The following DPP6 variants were observed in gnomAD, a reference collection of about 807,000 sequenced individuals.
The protein encoded by DPP6 is A-type potassium channel modulatory protein DPP6.
In DPP6, 69 loss-of-function variants were observed where a neutral mutation model predicts 122.6. The observed-to-expected ratio is 0.56, with a 90% CI of 0.46 to 0.69. DPP6 has a LOEUF of 0.69. Ranked by LOEUF, DPP6 falls within the 30% of genes least tolerant of loss-of-function variation. The pLI is 0.00. For missense variants in DPP6, 928 were observed against 1,116.9 expected (o/e 0.83, Z 2.41); for synonymous variants, 418 against 433.1 (o/e 0.97, Z 0.43).
intron 1 of DPP6, among the ~76,000 whole-genome samples, chr7:154,142,635 A>T (rs1421839049): frequency 1.3e-5 from 2 of 152,214 alleles, no homozygotes; most frequent in Non-Finnish European, 2.9e-5. Context: ...TGTACAGTTG[A>T]TTAATGTCAC....
chr7:154,771,038 G>A lies in DPP6; in HGVS notation c.1038+1467G>A, dbSNP rs376509954. ...TGCCATGAGCTGCCTCTGCCAGGGG[G>A]CATTTAAACCTCAGCATCCTAGCCC... On this transcript the variant is annotated intron_variant, in intron 9 of 25. Transcript: ENST00000377770. 3.5e-4 allele frequency among the ~76,000 whole-genome samples: 53 copies of A among 152,324 alleles called. No individual in the cohort carries two copies. The South Asian group carries it at 0.011, about 30-fold the overall frequency.
intron 7 of DPP6, among the ~76,000 whole-genome samples, chr7:154,701,054 A>G (rs898038832): frequency 3.9e-5 from 6 of 152,258 alleles, no homozygotes; most frequent in South Asian, 4.1e-4. Flanking sequence ...TCCACTCACC[A>G]AAATAGCCCA....
chr7:153,967,252 A>G (rs1463426658), intron 1 of DPP6, among the ~76,000 whole-genome samples: 2 of 151,942 alleles, frequency 1.3e-5, no homozygotes, highest in Admixed American at 1.3e-4. Context: ...TTAGATTTGC[A>G]GTTGGGGTCA....
intron 1 of DPP6, among the ~76,000 whole-genome samples, chr7:154,384,972 T>C (rs1405408850): frequency 6.6e-6 from 1 of 151,854 alleles, no homozygotes; most frequent in South Asian, 2.1e-4. Context: ...GTTTTTTAAA[T>C]TTTATTTATT....
chr7:153,804,777 G>A, the DPP6 span, among the ~76,000 whole-genome samples: 13 of 151,924 alleles, frequency 8.6e-5, no homozygotes, highest in Non-Finnish European at 1.3e-4. Flanking sequence ...CCAGCTACTC[G>A]GGAGGCTGAG....
At chr7:154,718,218 G>A (rs552271397) in intron 7 of DPP6, among the ~76,000 whole-genome samples, 9 of 152,220 alleles carry the variant, frequency 5.9e-5, no homozygotes, top group East Asian at 1.9e-4. Flanking sequence ...TCACTCTGTC[G>A]ATTGTTTCTT....
At chr7:154,333,216 G>T (rs1476826024) in intron 1 of DPP6, among the ~76,000 whole-genome samples, 2 of 151,562 alleles carry the variant, frequency 1.3e-5, no homozygotes, top group Admixed American at 6.6e-5. Context: ...GATATGACAT[G>T]TTTGACTATG....
chr7:154,300,684 G>A (rs894321791), intron 1 of DPP6, among the ~76,000 whole-genome samples: 1 of 152,164 alleles, frequency 6.6e-6, no homozygotes, highest in Admixed American at 6.5e-5. Flanking sequence ...TGGGGCAAGG[G>A]CTTGGATCAA....
At chr7:153,758,880 T>C in the DPP6 span, among the ~76,000 whole-genome samples, 1 of 152,190 alleles carries the variant, frequency 6.6e-6, no homozygotes, top group African/African-American at 2.4e-5. Context: ...TTCACTTAGG[T>C]AGGGTAAATA....
intron 1 of DPP6, among the ~76,000 whole-genome samples, chr7:154,015,853 A>G (rs2129050209): frequency 6.6e-6 from 1 of 152,168 alleles, no homozygotes; most frequent in African/African-American, 2.4e-5. Flanking sequence ...AGACAGCCAC[A>G]GGGATCCTGT....
chr7:154,365,444 G>A (rs1207025845), intron 1 of DPP6, among the ~76,000 whole-genome samples: 2 of 152,142 alleles, frequency 1.3e-5, no homozygotes, highest in African/African-American at 4.8e-5. Flanking sequence ...ACTCCATTGT[G>A]TCCTGTTTTC....
the DPP6 span, among the ~76,000 whole-genome samples, chr7:153,800,781 T>C: frequency 6.6e-6 from 1 of 152,068 alleles, no homozygotes; most frequent in African/African-American, 2.4e-5. Context: ...CCTCCCAAAG[T>C]GCTGGGATTA....
chr7:154,227,808 G>T (rs116374621), intron 1 of DPP6, among the ~76,000 whole-genome samples: 1 of 152,174 alleles, frequency 6.6e-6, no homozygotes, highest in Non-Finnish European at 1.5e-5. Flanking sequence ...TGATCAGAGG[G>T]TGGAAACCCC....
chr7:154,283,401 CTATT>C (rs1423738969), intron 1 of DPP6, among the ~76,000 whole-genome samples: 1 of 151,982 alleles, frequency 6.6e-6, no homozygotes, highest in African/African-American at 2.4e-5. Context: ...ATGTAAGTAA[CTATT>C]AGAATGCCTA....
rs143393533 is a variant in DPP6, at chr7:154,419,264, G to A, written c.244-26950G>A. Among the ~76,000 whole-genome samples the A allele has an allele frequency of 1.1e-3, 161 of 152,274 alleles. 1 individual carries two copies. Among genetic ancestry groups the A allele is most frequent in the African/African-American group, 3.6e-3 (150 of 41,564 alleles). On this transcript the variant is annotated intron_variant, in intron 1 of 25. Transcript: ENST00000377770. ...TTCTTAAAATGCCAGCTCATTATTC[G>A]TGTGAAAGTGATCATACATTGGTAT...
chr7:154,658,436 A>T (rs902341755), intron 6 of DPP6, among the ~76,000 whole-genome samples: 2 of 152,210 alleles, frequency 1.3e-5, no homozygotes, highest in Non-Finnish European at 2.9e-5. Flanking sequence ...GGATGGAACA[A>T]AAAAGGAGGT....
Position 154,540,641 on chromosome 7 carries a change from T to G in DPP6, c.552+15T>G. 1 of 1,434,108 alleles carries G rather than the reference T, an allele frequency of 7.0e-7. No homozygotes were observed. Among genetic ancestry groups the G allele is most frequent in the African/African-American group, 1.4e-5 (1 of 69,026 alleles). The allele number at this position is 1,434,108 out of a possible 1,614,324, so 88.8% of individuals were successfully genotyped here. A position where few individuals can be genotyped will look rare whatever the true frequency, so the allele number is the denominator to read the frequency against. On this transcript the variant is annotated intron_variant, in intron 4 of 25. Transcript: ENST00000377770. ...GCAAAAAAATTGTAAGTACTCTCTT[T>G]AATGACCGGGATAATTTCAGTTTTT...
chr7:153,839,527 C>A, the DPP6 span, among the ~76,000 whole-genome samples: 1 of 152,200 alleles, frequency 6.6e-6, no homozygotes, highest in Non-Finnish European at 1.5e-5. Flanking sequence ...CTGACTAGTC[C>A]AACCTCAGAC....
chr7:154,871,098 G>A (rs1804351665), intron 18 of DPP6, among the ~76,000 whole-genome samples: 1 of 152,106 alleles, frequency 6.6e-6, no homozygotes, highest in African/African-American at 2.4e-5. Flanking sequence ...CTGTCACCCT[G>A]GCAAGATCCC....
Sources: allele counts gnomAD v4.1 joint callset (sites outside exome capture counted in the v4.1 genomes callset), GRCh38; gene constraint gnomAD v4.1.1; transcripts MANE v1.5; gene names NCBI Gene and HGNC (gene_info 2026-07-23, HGNC 2026-07-21).